KDM3B: variants seen among roughly 807,000 people sequenced by gnomAD.
KDM3B encodes the protein lysine-specific demethylase 3B.
A neutral mutation model predicts 170.0 loss-of-function variants in KDM3B; 10 were observed. The ratio of observed to expected loss-of-function variants is 0.06; its 90% CI spans 0.04 to 0.10. The LOEUF is 0.10. Ranked by LOEUF, KDM3B falls within the 10% of genes least tolerant of loss-of-function variation. The pLI, the probability that KDM3B is intolerant of heterozygous loss-of-function variation, is 1.00. For missense variants in KDM3B, 1,394 were observed against 2,195.2 expected, an observed-to-expected ratio of 0.64 and a Z score of 7.29; for synonymous variants, 831 against 834.8, an observed-to-expected ratio of 1.00 and a Z score of 0.08.
Position 138,379,717 on chromosome 5 carries a change from CTG to C in KDM3B, c.705+13_705+14del, listed in dbSNP as rs1762080916. ...AGGTGTCTGTAACTGAGGTGAGACTCTGTGTTATTCTGTCTAAGGTCCATCCA... is the reference window on the plus strand; with the variant it reads ...AGGTGTCTGTAACTGAGGTGAGACTCTGTTATTCTGTCTAAGGTCCATCCA... On this transcript the variant is annotated intron_variant, in intron 5 of 23. Coordinates refer to ENST00000314358, the MANE Select transcript of KDM3B (RefSeq NM_016604.4). 1.2e-6 allele frequency: 2 copies of C among 1,611,452 alleles called. No individual in the cohort carries two copies. The highest frequency in any genetic ancestry group is 1.7e-6 in the Non-Finnish European group (2 of 1,178,822).
chr5:138,423,711 C>CA (rs1763329086), intron 15 of KDM3B, among the ~76,000 whole-genome samples: 1 of 152,154 alleles, frequency 6.6e-6, no homozygotes, highest in Non-Finnish European at 1.5e-5. Flanking sequence ...TTAGAACCCT[C>CA]AAACTGAGTG....
At chr5:138,400,853 G>A (rs905864875) in intron 11 of KDM3B, among the ~76,000 whole-genome samples, 4 of 150,598 alleles carry the variant, frequency 2.7e-5, no homozygotes, top group Non-Finnish European at 4.4e-5. Flanking sequence ...AGTCACTGCC[G>A]ATTCCTCCTC....
At chr5:138,417,876 C>G (rs1763142812) in intron 13 of KDM3B, 1 of 327,544 alleles carries the variant, frequency 3.1e-6, no homozygotes, top group Non-Finnish European at 5.7e-6. Flanking sequence ...AGATACATAC[C>G]TCAGGGTCTT....
chr5:138,432,332 A>G (rs1478326122), intron 23 of KDM3B, among the ~76,000 whole-genome samples: 2 of 152,192 alleles, frequency 1.3e-5, no homozygotes, highest in Admixed American at 6.5e-5. Context: ...CTGAACAATC[A>G]GATTAGGTTT....
At chr5:138,426,135 C>T (rs1763385244) in intron 17 of KDM3B, among the ~76,000 whole-genome samples, 1 of 152,196 alleles carries the variant, frequency 6.6e-6, no homozygotes, top group Non-Finnish European at 1.5e-5. Flanking sequence ...CATGTGATTC[C>T]ATGGGCTATG....
chr5:138,384,916 GAA>G (rs766207020), intron 6 of KDM3B, among the ~76,000 whole-genome samples: 12 of 106,850 alleles, frequency 1.1e-4, no homozygotes, highest in Non-Finnish European at 2.0e-4. Context: ...TCCATCTCAG[GAA>G]AAAAAAAAAA....
chr5:138,401,492 G>A (rs1762693641), intron 11 of KDM3B, among the ~76,000 whole-genome samples: 2 of 152,048 alleles, frequency 1.3e-5, no homozygotes, highest in African/African-American at 4.8e-5. Flanking sequence ...TCCTTTTTTG[G>A]ATATACTTCA....
In KDM3B at chr5:138,393,167, A is replaced by T. The variant is rs1762475823; in HGVS notation, c.2630-4A>T. On this transcript the variant is annotated splice_polypyrimidine_tract_variant and splice_region_variant and intron_variant, in intron 8 of 23. Transcript: ENST00000314358. ...AAACTTTTCTTCTCTCCCCCTTGCC[A>T]CAGTTGGCCAGTCAGTGCTGAAAGA... 2 of 1,613,688 alleles carry T rather than the reference A, an allele frequency of 1.2e-6. No homozygotes were observed. Among genetic ancestry groups the T allele is most frequent in the Non-Finnish European group, 1.7e-6 (2 of 1,179,992 alleles).
intron 11 of KDM3B, among the ~76,000 whole-genome samples, chr5:138,401,035 G>C (rs1369542409): frequency 6.6e-6 from 1 of 152,024 alleles, no homozygotes; most frequent in African/African-American, 2.4e-5. Flanking sequence ...CACTTTGGGA[G>C]GCCAAGGCGG....
intron 17 of KDM3B, 71 bp downstream of exon 17, chr5:138,425,653 C>G: frequency 7.8e-7 from 1 of 1,289,862 alleles, no homozygotes; most frequent in Non-Finnish European, 1.1e-6. Flanking sequence ...CAGCTCTGCC[C>G]TTGAATAATA....
chr5:138,394,549 A>T (rs1762506287), intron 9 of KDM3B, among the ~76,000 whole-genome samples: 1 of 152,238 alleles, frequency 6.6e-6, no homozygotes, highest in Admixed American at 6.5e-5. Flanking sequence ...CCACACTGTG[A>T]CAGGTATTCC....
Position 138,424,266 on chromosome 5 carries a change from G to A in KDM3B, c.4164G>A (p.Gly1388=). ...CTTCTCACTCCTGGCTTTGTGATGG[G>A]AGGCTTCTGTGTCTCCATGACCCCA... The part of the protein sequence containing the change: ...PHTSHSWLCD[G]RLLCLHDPSN... The change falls in exon 16 of 24, where the codon GGG becomes GGA. Residue 1388 remains glycine (G), a synonymous_variant. Coordinates refer to ENST00000314358, the MANE Select transcript of KDM3B (RefSeq NM_016604.4). 6.2e-7 allele frequency: 1 copy of A among 1,614,176 alleles called. No homozygotes were observed. The highest frequency in any genetic ancestry group is 8.5e-7 in the Non-Finnish European group (1 of 1,180,024).
intron 9 of KDM3B, 51 bp downstream of exon 9, chr5:138,393,423 A>C (rs546052720): frequency 2.9e-6 from 4 of 1,402,832 alleles, no homozygotes; most frequent in Middle Eastern, 1.8e-4. Flanking sequence ...AGTGACACAT[A>C]ACTTCCACTC....
chr5:138,422,064 G>A (rs569876444), intron 15 of KDM3B, among the ~76,000 whole-genome samples: 9 of 152,112 alleles, frequency 5.9e-5, no homozygotes, highest in African/African-American at 1.9e-4. Flanking sequence ...TTCATCATCA[G>A]CTCCCTCACC....
At chr5:138,387,910 T>C (rs546179645) in intron 7 of KDM3B, among the ~76,000 whole-genome samples, 1 of 152,050 alleles carries the variant, frequency 6.6e-6, no homozygotes, top group Admixed American at 6.6e-5. Context: ...TGAAACCCCA[T>C]CTCTACTAAA....
At chr5:138,400,036 G>C (rs2126962255) in intron 11 of KDM3B, 24 bp downstream of exon 11, 1 of 1,611,314 alleles carries the variant, frequency 6.2e-7, no homozygotes, top group Non-Finnish European at 8.5e-7. Flanking sequence ...GTCCTGTGTA[G>C]CTCGAAAGGT....
At chr5:138,417,068 C>A (rs73257872) in intron 12 of KDM3B, among the ~76,000 whole-genome samples, 1 of 152,180 alleles carries the variant, frequency 6.6e-6, no homozygotes, top group Non-Finnish European at 1.5e-5. Flanking sequence ...GCAATTCTTC[C>A]GCCTTGGCCT....
At chr5:138,417,673 C>G (rs535031512) in intron 13 of KDM3B, 63 bp downstream of exon 13, 1 of 1,534,836 alleles carries the variant, frequency 6.5e-7, no homozygotes, top group Non-Finnish European at 9.0e-7. Flanking sequence ...AGGAAATGCC[C>G]CCTTTTCAAC....
At chr5:138,430,766 T>C (rs1763511025) in intron 22 of KDM3B, among the ~76,000 whole-genome samples, 1 of 152,114 alleles carries the variant, frequency 6.6e-6, no homozygotes, top group African/African-American at 2.4e-5. Context: ...GGCACATGCC[T>C]ATAATCCCAG....
Sources: allele counts gnomAD v4.1 joint callset (sites outside exome capture counted in the v4.1 genomes callset), GRCh38; gene constraint gnomAD v4.1.1; transcripts MANE v1.5; gene names NCBI Gene and HGNC (gene_info 2026-07-23, HGNC 2026-07-21).